Variants in MYT1L observed in about 807,000 individuals in gnomAD.
MYT1L encodes the protein myelin transcription factor 1-like protein.
MYT1L carries 12 observed loss-of-function variants against 126.7 expected under a neutral mutation model. That is an observed-to-expected ratio of 0.09 (90% CI 0.06 to 0.15). The LOEUF (loss-of-function observed/expected upper bound fraction) is 0.15, where lower values mean the gene tolerates loss of function less well. Among genes scored for constraint, MYT1L ranks in the 10% least tolerant of loss-of-function variants. The pLI, the probability that MYT1L is intolerant of heterozygous loss-of-function variation, is 1.00. For missense variants in MYT1L, 979 were observed against 1,585.2 expected (o/e 0.62, Z 6.49); for synonymous variants, 541 against 604.2 (o/e 0.90, Z 1.53).
chr2:1,868,615 T>A (rs1018248226), intron 18 of MYT1L, among the ~76,000 whole-genome samples: 1 of 152,112 alleles, frequency 6.6e-6, no homozygotes, highest in Non-Finnish European at 1.5e-5. Context: ...GGAGGAAGGC[T>A]CTTTGAAGGC....
intron 13 of MYT1L, among the ~76,000 whole-genome samples, chr2:1,905,406 T>C (rs111816539): frequency 6.6e-6 from 1 of 151,556 alleles, no homozygotes; most frequent in Non-Finnish European, 1.5e-5. Context: ...CAGGCTGGAG[T>C]GCAATGGCAT....
intron 4 of MYT1L, among the ~76,000 whole-genome samples, chr2:2,002,301 C>G (rs1365446197): frequency 6.6e-6 from 1 of 150,844 alleles, no homozygotes; most frequent in Non-Finnish European, 1.5e-5. Context: ...AGCAGCCTGC[C>G]TTGACCTCTT....
intron 18 of MYT1L, among the ~76,000 whole-genome samples, chr2:1,870,974 C>T (rs557435067): frequency 6.6e-6 from 1 of 152,194 alleles, no homozygotes; most frequent in African/African-American, 2.4e-5. Context: ...CTGCCCTAGG[C>T]TGGGGCTGTG....
chr2:2,129,923 T>C (rs1347696896), intron 3 of MYT1L, among the ~76,000 whole-genome samples: 2 of 150,344 alleles, frequency 1.3e-5, no homozygotes, highest in African/African-American at 4.9e-5. Flanking sequence ...AAAAAAAAAT[T>C]AACTTCTTTA....
At chr2:1,993,036 A>G (rs182563359) in intron 5 of MYT1L, among the ~76,000 whole-genome samples, 5 of 152,238 alleles carry the variant, frequency 3.3e-5, no homozygotes, top group Admixed American at 2.6e-4. Context: ...ATCCCTGACC[A>G]ATCAGCACTC....
chr2:2,256,304 C>A (rs2094811711), intron 2 of MYT1L, among the ~76,000 whole-genome samples: 2 of 152,258 alleles, frequency 1.3e-5, no homozygotes, highest in South Asian at 4.1e-4. Context: ...ATCCAGTGAG[C>A]AGCTTAGGCT....
chr2:2,192,969 G>GT (rs1028384914), intron 2 of MYT1L, among the ~76,000 whole-genome samples: 9 of 151,688 alleles, frequency 5.9e-5, no homozygotes, highest in African/African-American at 2.2e-4. Flanking sequence ...TTCAGGTTTT[G>GT]TTTTTTTTCT....
chr2:2,167,660 T>C (rs570116831), intron 3 of MYT1L, among the ~76,000 whole-genome samples: 18 of 152,350 alleles, frequency 1.2e-4, no homozygotes, highest in Admixed American at 2.0e-4. Context: ...ATCTGAACTG[T>C]GCTTGTCTAA....
In MYT1L at chr2:2,249,007, T is replaced by C. The variant is rs187838992; in HGVS notation, c.-421+35397A>G. ...TTGTTATTCAAGATAGTACTGAAAG[T>C]CCCAGCCAGAGCAACCAGACAAAGG... On this transcript the variant is annotated intron_variant, in intron 2 of 24. Coordinates refer to ENST00000647738, the MANE Select transcript of MYT1L (RefSeq NM_001303052.2). Among the ~76,000 whole-genome samples, 162 of 152,016 alleles carry C rather than the reference T, an allele frequency of 1.1e-3. 2 individuals carry two copies. Among genetic ancestry groups the C allele is most frequent in the Middle Eastern group, 0.01 (3 of 294 alleles).
At chr2:1,933,496 GA>G (rs2055309187) in intron 9 of MYT1L, among the ~76,000 whole-genome samples, 1 of 152,224 alleles carries the variant, frequency 6.6e-6, no homozygotes, top group African/African-American at 2.4e-5. Context: ...TTCTTCCGAA[GA>G]CTGAACAATT....
intron 9 of MYT1L, among the ~76,000 whole-genome samples, chr2:1,927,902 T>C (rs1435753307): frequency 1.4e-5 from 2 of 146,310 alleles, no homozygotes; most frequent in East Asian, 4.1e-4. Flanking sequence ...GGTGTTTTAA[T>C]AGCAATCGCA....
chr2:2,250,215 T>C (rs974484729), intron 2 of MYT1L, among the ~76,000 whole-genome samples: 4 of 152,176 alleles, frequency 2.6e-5, no homozygotes, highest in Non-Finnish European at 5.9e-5. Context: ...ATCTCTGCAC[T>C]CCCATGTTTG....
intron 19 of MYT1L, chr2:1,841,498 G>C (rs1205070350): frequency 6.6e-6 from 1 of 152,430 alleles, no homozygotes; most frequent in African/African-American, 2.4e-5. Context: ...CAGGAGGAGA[G>C]TTCTTTCCCT....
chr2:1,822,229 CTTATTTAG>C (rs1449251785), intron 21 of MYT1L, among the ~76,000 whole-genome samples: 1 of 152,138 alleles, frequency 6.6e-6, no homozygotes, highest in African/African-American at 2.4e-5. Context: ...ACTTCCCTTC[CTTATTTAG>C]TTATTTAGTT....
At position 1,912,002 on chromosome 2, in the gene MYT1L, G is replaced by A; in HGVS notation, c.1709+18C>T. The A allele has an allele frequency of 1.3e-6, 2 of 1,571,196 alleles. No homozygotes were observed. Among genetic ancestry groups the A allele is most frequent in the East Asian group, 2.3e-5 (1 of 43,640 alleles). ...AGCCGGTGCTCCCTCCCACACCAGT[G>A]ACCCACGCGTGGCTTACCTTCGGTG... is the stretch of plus-strand genomic sequence containing the variant. On this transcript the variant is annotated intron_variant, in intron 12 of 24. Transcript: ENST00000647738. The surrounding 1 kb of genome is among the most constrained non-coding windows in gnomAD (Gnocchi z 4.3).
intron 18 of MYT1L, among the ~76,000 whole-genome samples, chr2:1,876,412 C>A (rs925194545): frequency 6.6e-6 from 1 of 152,038 alleles, no homozygotes; most frequent in Admixed American, 6.5e-5. Flanking sequence ...TGAGAACAGG[C>A]CCCCAGAGCA....
chr2:1,928,213 T>C (rs2149147418), intron 9 of MYT1L, among the ~76,000 whole-genome samples: 1 of 152,340 alleles, frequency 6.6e-6, no homozygotes, highest in Non-Finnish European at 1.5e-5. Context: ...GTGCTGGAAT[T>C]ACAGGTGTTA....
In MYT1L at chr2:1,992,631, C is replaced by T. The variant is rs147075097; in HGVS notation, c.-1+4560G>A. Among the ~76,000 whole-genome samples, 332 of 152,354 alleles carry T rather than the reference C, an allele frequency of 2.2e-3. 2 individuals are homozygous for T. The highest frequency in any genetic ancestry group is 7.1e-3 in the African/African-American group (296 of 41,582). On this transcript the variant is annotated intron_variant, in intron 5 of 24. Transcript: ENST00000647738. ...AGTGAAAGAGATCTGACTTAACCCA[C>T]TCCATCTTGCTTTTAACATCCAAGC...
intron 3 of MYT1L, among the ~76,000 whole-genome samples, chr2:2,168,154 C>A (rs2089468719): frequency 6.6e-6 from 1 of 152,108 alleles, no homozygotes. Flanking sequence ...ACATGTAGAT[C>A]TATGAGTAAC....
Sources: gnomAD v4.1 joint callset for allele counts (sites outside exome capture counted in the v4.1 genomes callset) on GRCh38, gnomAD v4.1.1 for gene constraint, Gnocchi (gnomAD v3.1) non-coding constraint, MANE v1.5 for transcripts, NCBI Gene and HGNC (gene_info 2026-07-23, HGNC 2026-07-21) for gene names.